The following MAGEC3 variants were observed in gnomAD, a reference collection of about 807,000 sequenced individuals.
MAGEC3 encodes melanoma-associated antigen C3.
Under a neutral mutation model 35.3 loss-of-function variants are expected in MAGEC3, and 34 were observed. The ratio of observed to expected loss-of-function variants is 0.96; its 90% CI spans 0.73 to 1.28. The LOEUF (loss-of-function observed/expected upper bound fraction) is 1.28, where lower values mean the gene tolerates loss of function less well. MAGEC3 is among the 50% of genes most tolerant of loss of function. The probability of loss-of-function intolerance (pLI) is 0.00; values close to 1 mark genes in which losing one functional copy is unlikely to be tolerated. For synonymous variants in MAGEC3, 202 were observed against 185.6 expected (o/e 1.09, Z -0.72); for missense variants, 561 against 483.6 (o/e 1.16, Z -1.50).
Position 141,881,425 on chromosome X carries a change from T to G in MAGEC3, c.538T>G (p.Phe180Val). 8.3e-7 allele frequency: 1 copy of G among 1,203,885 alleles called. No homozygotes were observed. Among genetic ancestry groups the G allele is most frequent in the Non-Finnish European group, 1.1e-6 (1 of 892,194 alleles). Residue 180 changes from phenylalanine to valine, a missense_variant, in exon 4 of 8, where the codon TTC becomes GTC. Physicochemically the swap from Phe to Val is conservative, Grantham distance 50. Transcript: ENST00000298296. ...AGSLPESEPL[F>V]TYTLDEKVDK... ...CAGCTTGCCAGAGAGCGAGCCCTTG[T>G]TCACTTATACACTGGATGAAAAGGT...
In MAGEC3 at chrX:141,865,596, A is replaced by G. The variant is rs148558054; in HGVS notation, c.249A>G (p.Thr83=). The G allele has an allele frequency of 1.9e-4, 227 of 1,203,146 alleles. No homozygotes were observed. Among genetic ancestry groups the G allele is most frequent in the Middle Eastern group, 2.3e-4 (1 of 4,258 alleles). ...QRMDSLVLCP[T]YFKLWRTLSG... ...TGGATAGTCTTGTCCTCTGCCCCAC[A>G]TACTTCAAGGTAAGGACTCTAAGGA... Residue 83 remains threonine, a synonymous_variant, in exon 2 of 8, where the codon ACA becomes ACG. Transcript: ENST00000298296.
rs1471813400 is a variant in MAGEC3 at position 141,881,373 on chromosome X, A to G, written c.516-30A>G. 4.3e-6 allele frequency: 5 copies of G among 1,169,020 alleles called. No individual in the cohort carries two copies. The South Asian group carries it at 8.1e-5, about 19-fold the overall frequency. On this transcript the variant is annotated intron_variant, in intron 3 of 7. Coordinates refer to ENST00000298296, the MANE Select transcript of MAGEC3 (RefSeq NM_138702.1). ...CATTCAATGAAGAGCCTAGCAGCCA[A>G]TAAGATGAAGATACAAGTACCTGGC... is the stretch of plus-strand genomic sequence containing the variant.
At chrX:141,879,080 G>A (rs73577986) in intron 2 of MAGEC3, 95 bp from the exon 3 acceptor site, 22,184 of 1,023,793 alleles carry the variant, frequency 0.022, 545 homozygotes, top group African/African-American at 0.15. Flanking sequence ...AAGGCCAGGC[G>A]GTTTCCAGGA....
intron 1 of MAGEC3, among the ~76,000 whole-genome samples, chrX:141,864,695 G>A (rs757551952): frequency 5.4e-5 from 6 of 111,166 alleles, no homozygotes; most frequent in Admixed American, 9.6e-5. Context: ...ATACCTGGAT[G>A]ATGAAATAAT....
intron 4 of MAGEC3, among the ~76,000 whole-genome samples, chrX:141,882,217 T>G (rs778220334): frequency 3.6e-5 from 4 of 111,446 alleles, no homozygotes; most frequent in Admixed American, 2.9e-4. Flanking sequence ...AGGGCCCGGG[T>G]GGGGCTTGAG....
At chrX:141,868,174 G>T (rs1362585907) in intron 2 of MAGEC3, among the ~76,000 whole-genome samples, 1 of 111,240 alleles carries the variant, frequency 9.0e-6, no homozygotes, top group Non-Finnish European at 1.9e-5. Flanking sequence ...TGAGGTAGGG[G>T]TGAGATTGAG....
intron 4 of MAGEC3, among the ~76,000 whole-genome samples, chrX:141,891,746 T>C (rs2018044815): frequency 9.4e-6 from 1 of 106,616 alleles, no homozygotes; most frequent in African/African-American, 3.4e-5. Context: ...TATATTTATA[T>C]ATGTGTGTAT....
At chrX:141,868,525 A>G (rs1250543895) in intron 2 of MAGEC3, among the ~76,000 whole-genome samples, 1 of 112,060 alleles carries the variant, frequency 8.9e-6, no homozygotes, top group African/African-American at 3.2e-5. Flanking sequence ...TACTTGGCTT[A>G]ATTATTTATA....
intron 1 of MAGEC3, among the ~76,000 whole-genome samples, chrX:141,859,077 CT>C (rs34000383): frequency 0.43 from 43,316 of 99,950 alleles, 7,476 homozygotes; most frequent in African/African-American, 0.48. Flanking sequence ...TTGTTTCTGT[CT>C]TTTTTTTTTT....
At chrX:141,883,863 T>C (rs2017983573) in intron 4 of MAGEC3, among the ~76,000 whole-genome samples, 2 of 113,298 alleles carry the variant, frequency 1.8e-5, no homozygotes, top group African/African-American at 6.4e-5. Context: ...AGGCTAGCTC[T>C]GATGAGAAAA....
chrX:141,874,147 G>A (rs1469684964), intron 2 of MAGEC3, among the ~76,000 whole-genome samples: 2 of 112,111 alleles, frequency 1.8e-5, no homozygotes, highest in Non-Finnish European at 3.8e-5. Context: ...ACCAGAACAA[G>A]TGGACATCCA....
chrX:141,867,363 G>T (rs779696324), intron 2 of MAGEC3, among the ~76,000 whole-genome samples: 23 of 111,548 alleles, frequency 2.1e-4, no homozygotes, highest in South Asian at 7.7e-4. Flanking sequence ...GAAGTTAAAA[G>T]CAGACTCAGG....
intron 2 of MAGEC3, among the ~76,000 whole-genome samples, chrX:141,867,518 A>T (rs1314381596): frequency 8.9e-6 from 1 of 111,966 alleles, no homozygotes; most frequent in African/African-American, 3.3e-5. Context: ...TAGTCTGTAA[A>T]AACAAAACAA....
At chrX:141,860,526 A>G (rs1448514411) in intron 1 of MAGEC3, among the ~76,000 whole-genome samples, 4 of 111,889 alleles carry the variant, frequency 3.6e-5, no homozygotes, top group Non-Finnish European at 7.5e-5. Context: ...TATTTCCCAA[A>G]GCAAAAATGT....
At chrX:141,869,458 T>G (rs1033947804) in intron 2 of MAGEC3, among the ~76,000 whole-genome samples, 2 of 112,594 alleles carry the variant, frequency 1.8e-5, no homozygotes, top group Admixed American at 1.9e-4. Context: ...ACAAGTTTTC[T>G]TGACTTTGAA....
intron 4 of MAGEC3, among the ~76,000 whole-genome samples, chrX:141,884,279 A>G (rs7067155): frequency 0.072 from 8,049 of 111,607 alleles, 457 homozygotes; most frequent in African/African-American, 0.2. Flanking sequence ...AGAAGAATGT[A>G]AAAAGGCTAG....
At chrX:141,894,333 T>C (rs901528946) in intron 4 of MAGEC3, among the ~76,000 whole-genome samples, 2 of 112,069 alleles carry the variant, frequency 1.8e-5, no homozygotes, top group African/African-American at 3.2e-5. Context: ...TAAAAATTAA[T>C]GACATTAAAT....
intron 6 of MAGEC3, 70 bp from the exon 7 acceptor site, chrX:141,896,812 T>G: frequency 8.3e-7 from 1 of 1,204,863 alleles, no homozygotes; most frequent in Non-Finnish European, 1.1e-6. Context: ...ATTCCCCTCC[T>G]CCTCTTCCTT....
intron 1 of MAGEC3, among the ~76,000 whole-genome samples, chrX:141,847,836 A>C (rs1036101527): frequency 9.0e-5 from 10 of 111,440 alleles, no homozygotes; most frequent in Non-Finnish European, 1.5e-4. Context: ...AATCCAAAGC[A>C]TACAGAAAAA....
Sources: gnomAD v4.1 joint callset for allele counts (sites outside exome capture counted in the v4.1 genomes callset) on GRCh38, gnomAD v4.1.1 for gene constraint, MANE v1.5 for transcripts, NCBI Gene and HGNC (gene_info 2026-07-23, HGNC 2026-07-21) for gene names.